Variants in AP1AR observed in about 807,000 individuals in gnomAD.
AP1AR encodes AP-1 complex-associated regulatory protein.
A neutral mutation model predicts 46.3 loss-of-function variants in AP1AR; 29 were observed. That is an observed-to-expected ratio of 0.63 (90% CI 0.47 to 0.85). AP1AR has a LOEUF of 0.85. AP1AR is among the 40% of genes least tolerant of loss of function. The pLI is 0.00. For missense variants in AP1AR, 357 were observed against 356.3 expected, an observed-to-expected ratio of 1.00 and a Z score of -0.02; for synonymous variants, 122 against 122.9, an observed-to-expected ratio of 0.99 and a Z score of 0.05.
At chr4:112,262,178 G>A (rs1726479857) in intron 5 of AP1AR, among the ~76,000 whole-genome samples, 1 of 152,074 alleles carries the variant, frequency 6.6e-6, no homozygotes, top group African/African-American at 2.4e-5. Flanking sequence ...ACCCGGGGTG[G>A]TGGCGCACGC....
chr4:112,265,851 A>G, intron 8 of AP1AR, 44 bp downstream of exon 8: 1 of 1,260,582 alleles, frequency 7.9e-7, no homozygotes, highest in Non-Finnish European at 1.1e-6. Context: ...TGCCACAGTA[A>G]ACAGATAAGT....
At chr4:112,233,010 T>C (rs751194917) in intron 1 of AP1AR, among the ~76,000 whole-genome samples, 2 of 152,196 alleles carry the variant, frequency 1.3e-5, no homozygotes, top group Non-Finnish European at 2.9e-5. Context: ...TCCTTTGGGG[T>C]TGGCTTTGTT....
chr4:112,268,088 T>C, intron 9 of AP1AR, 56 bp from the exon 10 acceptor site: 1 of 1,458,068 alleles, frequency 6.9e-7, no homozygotes, highest in Non-Finnish European at 9.1e-7. Context: ...TGGGAGTTTT[T>C]AAATATAGCT....
Position 112,267,612 on chromosome 4 carries a change from C to T in AP1AR, c.644-532C>T, listed in dbSNP as rs193046080. On this transcript the variant is annotated intron_variant, in intron 9 of 9. Transcript: ENST00000274000. Reference sequence around the variant, plus strand: ...CCCAAATCACTTAGCCTTTCTGTCCCGGTTACCTCAGCTATAGAATGAGAA... The same window carrying T: ...CCCAAATCACTTAGCCTTTCTGTCCTGGTTACCTCAGCTATAGAATGAGAA... Among the ~76,000 whole-genome samples, 793 of 151,898 alleles carry T rather than the reference C, an allele frequency of 5.2e-3. 5 individuals carry two copies. The highest frequency in any genetic ancestry group is 8.0e-3 in the Admixed American group (122 of 15,230).
chr4:112,265,585 A>G lies in AP1AR; in HGVS notation c.441-149A>G, dbSNP rs545956360. Reference sequence around the variant, plus strand: ...TCATTTTAGTATTAAGAAAATTAAGAACTATTTTCATTAGGTTATTCTAAT... The same window carrying G: ...TCATTTTAGTATTAAGAAAATTAAGGACTATTTTCATTAGGTTATTCTAAT... On this transcript the variant is annotated intron_variant, in intron 7 of 9. Coordinates refer to ENST00000274000, the MANE Select transcript of AP1AR (RefSeq NM_018569.6). 7.2e-6 allele frequency: 4 copies of G among 556,570 alleles called. No homozygotes were observed. In the South Asian group the frequency reaches 1.0e-4, roughly 14 times the overall value. The allele number at this position is 556,570 out of a possible 1,614,324, so 34.5% of individuals were successfully genotyped here. A position where few individuals can be genotyped will look rare whatever the true frequency, so the allele number is the denominator to read the frequency against.
chr4:112,233,780 T>G (rs970590116), intron 1 of AP1AR, among the ~76,000 whole-genome samples: 2 of 152,040 alleles, frequency 1.3e-5, no homozygotes, highest in Admixed American at 1.3e-4. Flanking sequence ...CACAGGGAGG[T>G]GGCAGGAGGA....
intron 2 of AP1AR, 147 bp downstream of exon 2, chr4:112,253,403 G>T: frequency 3.1e-6 from 2 of 640,894 alleles, no homozygotes; most frequent in Non-Finnish European, 5.4e-6. Context: ...GATTGAAAGA[G>T]TTGGAGCAGT....
chr4:112,238,903 T>G (rs1725364018), intron 1 of AP1AR, among the ~76,000 whole-genome samples: 1 of 152,180 alleles, frequency 6.6e-6, no homozygotes, highest in Admixed American at 6.5e-5. Context: ...TTTTTCCTCT[T>G]TAAGCCCCAG....
intron 1 of AP1AR, among the ~76,000 whole-genome samples, chr4:112,243,352 C>T (rs182705529): frequency 2.0e-5 from 3 of 152,324 alleles, no homozygotes; most frequent in African/African-American, 4.8e-5. Context: ...GGGATTCTGA[C>T]ACTTCTCCCA....
At chr4:112,235,106 CAG>C (rs1378642887) in intron 1 of AP1AR, among the ~76,000 whole-genome samples, 1 of 152,150 alleles carries the variant, frequency 6.6e-6, no homozygotes, top group Non-Finnish European at 1.5e-5. Flanking sequence ...GTGATTAAAG[CAG>C]AGAGAATTAA....
chr4:112,267,283 CT>C (rs1417883062), intron 9 of AP1AR, among the ~76,000 whole-genome samples: 1 of 151,890 alleles, frequency 6.6e-6, no homozygotes, highest in African/African-American at 2.4e-5. Flanking sequence ...ATTACAATCT[CT>C]TTGTGAATCC....
At chr4:112,266,802 G>T in intron 9 of AP1AR, 86 bp downstream of exon 9, 1 of 1,296,296 alleles carries the variant, frequency 7.7e-7, no homozygotes, top group Non-Finnish European at 1.0e-6. Context: ...TTATTTAAAT[G>T]GAAATAAATT....
intron 1 of AP1AR, among the ~76,000 whole-genome samples, chr4:112,236,010 A>G (rs1045775658): frequency 3.3e-5 from 5 of 151,724 alleles, no homozygotes; most frequent in Admixed American, 6.6e-5. Context: ...TTTCCTTCAT[A>G]TGTGTATTAC....
At chr4:112,246,315 G>A (rs1725725442) in intron 1 of AP1AR, among the ~76,000 whole-genome samples, 1 of 152,262 alleles carries the variant, frequency 6.6e-6, no homozygotes, top group Non-Finnish European at 1.5e-5. Context: ...AGACCAGCCT[G>A]GCCAATATGG....
intron 1 of AP1AR, among the ~76,000 whole-genome samples, chr4:112,251,284 A>T (rs1343195824): frequency 6.6e-6 from 1 of 152,196 alleles, no homozygotes; most frequent in Non-Finnish European, 1.5e-5. Flanking sequence ...TCCTCACTAT[A>T]GCTGGCTGTG....
intron 1 of AP1AR, among the ~76,000 whole-genome samples, chr4:112,235,620 A>T (rs1725205611): frequency 6.6e-6 from 1 of 152,130 alleles, no homozygotes; most frequent in South Asian, 2.1e-4. Context: ...AAGTATATAT[A>T]TTATATATAT....
At chr4:112,233,570 G>A (rs1013600596) in intron 1 of AP1AR, among the ~76,000 whole-genome samples, 3 of 152,318 alleles carry the variant, frequency 2.0e-5, no homozygotes, top group African/African-American at 7.2e-5. Context: ...TGTGTTACAG[G>A]GCGTTAAATT....
intron 9 of AP1AR, 129 bp from the exon 10 acceptor site, chr4:112,268,015 T>C: frequency 1.1e-6 from 1 of 896,440 alleles, no homozygotes; most frequent in Non-Finnish European, 1.6e-6. Context: ...TCCATGGGAC[T>C]GGGTCTTTAA....
chr4:112,267,642 G>A (rs900989966), intron 9 of AP1AR, among the ~76,000 whole-genome samples: 3 of 151,858 alleles, frequency 2.0e-5, no homozygotes, highest in Non-Finnish European at 4.4e-5. Context: ...TGAGAATAAT[G>A]ATAGTACTGT....
Sources: allele counts gnomAD v4.1 joint callset (sites outside exome capture counted in the v4.1 genomes callset), GRCh38; gene constraint gnomAD v4.1.1; transcripts MANE v1.5; gene names NCBI Gene and HGNC (gene_info 2026-07-23, HGNC 2026-07-21).